The following KHDRBS2 variants were observed in gnomAD, a reference collection of about 807,000 sequenced individuals.
KHDRBS2 encodes the protein KH domain-containing, RNA-binding, signal transduction-associated protein 2.
KHDRBS2 carries 26 observed loss-of-function variants against 44.3 expected under a neutral mutation model. The ratio of observed to expected loss-of-function variants is 0.59; its 90% confidence interval spans 0.43 to 0.81. The LOEUF is 0.81. KHDRBS2 is among the 40% of genes least tolerant of loss of function. KHDRBS2 has a pLI of 0.00. For synonymous variants in KHDRBS2, 194 were observed against 151.1 expected, an observed-to-expected ratio of 1.28 and a Z score of -2.08; for missense variants, 476 against 433.1, an observed-to-expected ratio of 1.10 and a Z score of -0.88.
At chr6:62,079,010 A>G (rs1030696360) in intron 2 of KHDRBS2, among the ~76,000 whole-genome samples, 5 of 151,964 alleles carry the variant, frequency 3.3e-5, no homozygotes, top group African/African-American at 1.2e-4. Flanking sequence ...ACTGACTTGC[A>G]AAGGTATGAT....
chr6:61,891,033 T>C (rs1801746082), intron 6 of KHDRBS2, among the ~76,000 whole-genome samples: 1 of 152,342 alleles, frequency 6.6e-6, no homozygotes, highest in Middle Eastern at 3.4e-3. Flanking sequence ...CTTTATTTTA[T>C]AGTTAAATTT....
chr6:62,146,057 A>C (rs1354315672), intron 2 of KHDRBS2, among the ~76,000 whole-genome samples: 1 of 151,826 alleles, frequency 6.6e-6, no homozygotes, highest in Non-Finnish European at 1.5e-5. Context: ...AATTATGTTA[A>C]TAAAATAGTG....
chr6:62,151,435 T>C (rs1160932648), intron 2 of KHDRBS2, among the ~76,000 whole-genome samples: 3 of 152,156 alleles, frequency 2.0e-5, no homozygotes, highest in Admixed American at 6.5e-5. Flanking sequence ...TATTAAACAA[T>C]AGTGCTGGCT....
At chr6:61,590,518 CAT>C in the KHDRBS2 span, among the ~76,000 whole-genome samples, 1 of 152,144 alleles carries the variant, frequency 6.6e-6, no homozygotes, top group African/African-American at 2.4e-5. Flanking sequence ...AAGACTCAAA[CAT>C]GATATATATA....
chr6:61,943,110 GA>G (rs1426060543), intron 4 of KHDRBS2, among the ~76,000 whole-genome samples: 2 of 134,534 alleles, frequency 1.5e-5, no homozygotes, highest in Non-Finnish European at 3.4e-5. Flanking sequence ...AAGAAAGAAA[GA>G]AAAGAAAAAA....
intron 2 of KHDRBS2, among the ~76,000 whole-genome samples, chr6:62,062,882 C>G (rs940031315): frequency 1.2e-4 from 17 of 147,128 alleles, no homozygotes; most frequent in Non-Finnish European, 2.1e-4. Flanking sequence ...AGACTGCTAG[C>G]AAGACTAATA....
At chr6:61,675,189 A>T (rs1765857237), downstream of KHDRBS2, among the ~76,000 whole-genome samples, 1 of 151,792 alleles carries the variant, frequency 6.6e-6, no homozygotes, top group Admixed American at 6.6e-5. Context: ...GTTACATTTT[A>T]AAAAAGCATT....
At position 61,839,580 on chromosome 6, in the gene KHDRBS2, C is replaced by T. The variant is rs527665297; in HGVS notation, c.810+55055G>A. On this transcript the variant is annotated intron_variant, in intron 6 of 8. Coordinates refer to ENST00000281156, the MANE Select transcript of KHDRBS2 (RefSeq NM_152688.4). Reference sequence around the variant, plus strand: ...TTGGACAAGTTAATAAACTCTCTTACTCTTCTAATTTACTTTATGTTTTTG... The same window carrying T: ...TTGGACAAGTTAATAAACTCTCTTATTCTTCTAATTTACTTTATGTTTTTG... Among the ~76,000 whole-genome samples the T allele has an allele frequency of 6.6e-5, 10 of 152,192 alleles. No homozygotes were observed. In the East Asian group the frequency reaches 1.9e-3, roughly 29 times the overall value.
chr6:61,774,056 A>T (rs1174278680), intron 6 of KHDRBS2, among the ~76,000 whole-genome samples: 1 of 152,104 alleles, frequency 6.6e-6, no homozygotes, highest in Non-Finnish European at 1.5e-5. Context: ...GCCTTGTAGT[A>T]TAGTTTGAAG....
chr6:61,932,070 G>T (rs1282172685), intron 4 of KHDRBS2, among the ~76,000 whole-genome samples: 1 of 151,958 alleles, frequency 6.6e-6, no homozygotes, highest in African/African-American at 2.4e-5. Context: ...TGACATTTTT[G>T]TGTTTATGTT....
intron 1 of KHDRBS2, among the ~76,000 whole-genome samples, chr6:62,245,017 A>G (rs1051826720): frequency 2.6e-5 from 4 of 152,060 alleles, no homozygotes; most frequent in African/African-American, 9.7e-5. Context: ...AATATTTTAC[A>G]AGTTCTACAG....
At chr6:61,877,677 T>A (rs1269278493) in intron 6 of KHDRBS2, among the ~76,000 whole-genome samples, 2 of 151,884 alleles carry the variant, frequency 1.3e-5, no homozygotes, top group Non-Finnish European at 2.9e-5. Flanking sequence ...CTTTGACAGA[T>A]GGGCACCTCT....
At chr6:61,911,107 A>G (rs1281998244) in intron 4 of KHDRBS2, among the ~76,000 whole-genome samples, 2 of 152,202 alleles carry the variant, frequency 1.3e-5, no homozygotes, top group African/African-American at 4.8e-5. Context: ...AAAAGTGTAC[A>G]CATTCTATGC....
rs1842453560 is a variant in KHDRBS2, at chr6:62,286,056, G to T, written c.-108C>A. ...CTCCCGCGCTGCTCCTCCTCCGCGC[G>T]GCGAGGGATCTCTGTGCGTCCTCAC... On this transcript the variant is annotated 5_prime_UTR_variant, in exon 1 of 9. Transcript: ENST00000281156. The T allele has an allele frequency of 2.8e-6, 2 of 716,194 alleles. No homozygotes were observed. The highest frequency in any genetic ancestry group is 4.9e-6 in the Non-Finnish European group (2 of 404,770). 44.4% of individuals were successfully genotyped at this position (716,194 alleles called of 1,614,324 possible). A position where few individuals can be genotyped will look rare whatever the true frequency, so the allele number is the denominator to read the frequency against.
chr6:61,711,675 G>T (rs1372814695), intron 7 of KHDRBS2, among the ~76,000 whole-genome samples: 2 of 151,720 alleles, frequency 1.3e-5, no homozygotes, highest in Non-Finnish European at 2.9e-5. Flanking sequence ...ATTTTTTTGT[G>T]CCAGTCAACT....
At chr6:62,144,346 C>T (rs1014947574) in intron 2 of KHDRBS2, among the ~76,000 whole-genome samples, 1 of 152,020 alleles carries the variant, frequency 6.6e-6, no homozygotes, top group Non-Finnish European at 1.5e-5. Context: ...GATAGCAAGT[C>T]ATCCAGTTAA....
chr6:62,089,066 T>A (rs143920273), intron 2 of KHDRBS2, among the ~76,000 whole-genome samples: 48 of 152,104 alleles, frequency 3.2e-4, no homozygotes, highest in African/African-American at 1.0e-3. Context: ...TGGACTCTCC[T>A]CCCCTCACCA....
At chr6:61,976,302 C>G (rs539208753) in intron 4 of KHDRBS2, among the ~76,000 whole-genome samples, 2 of 152,142 alleles carry the variant, frequency 1.3e-5, no homozygotes, top group Non-Finnish European at 2.9e-5. Flanking sequence ...AAAGGAGATA[C>G]TGCCAGCCAG....
intron 6 of KHDRBS2, among the ~76,000 whole-genome samples, chr6:61,865,219 C>G (rs1244354399): frequency 6.6e-6 from 1 of 152,104 alleles, no homozygotes; most frequent in Non-Finnish European, 1.5e-5. Context: ...ACAAGGTGCT[C>G]CTTTGGTTCA....
Sources: allele counts gnomAD v4.1 joint callset (sites outside exome capture counted in the v4.1 genomes callset), GRCh38; gene constraint gnomAD v4.1.1; transcripts MANE v1.5; gene names NCBI Gene and HGNC (gene_info 2026-07-23, HGNC 2026-07-21).